The following TANC1 variants were observed in gnomAD, a reference collection of about 807,000 sequenced individuals.
TANC1 encodes tetratricopeptide repeat, ankyrin repeat and coiled-coil containing 1, also known as protein TANC1.
In TANC1, 77 loss-of-function variants were observed where a neutral mutation model predicts 149.7. That is an observed-to-expected ratio of 0.51 (90% CI 0.43 to 0.62). The LOEUF is 0.62. Among genes scored for constraint, TANC1 ranks in the 20% least tolerant of loss-of-function variants. The pLI is 0.00. For synonymous variants in TANC1, 854 were observed against 925.0 expected (o/e 0.92, Z 1.39); for missense variants, 1,985 against 2,321.8 (o/e 0.85, Z 2.98).
chr2:159,057,257 G>A (rs1443676672), intron 2 of TANC1, among the ~76,000 whole-genome samples: 3 of 152,152 alleles, frequency 2.0e-5, no homozygotes, highest in South Asian at 2.1e-4. Flanking sequence ...CTCATCTACA[G>A]GGCTATCCTG....
At chr2:159,149,482 T>C in intron 6 of TANC1, 1 of 612,594 alleles carries the variant, frequency 1.6e-6, no homozygotes, top group Non-Finnish European at 2.9e-6. Flanking sequence ...CGTAAGAAAA[T>C]GTCCACATTA....
At chr2:159,122,623 T>G (rs2048971381) in intron 4 of TANC1, among the ~76,000 whole-genome samples, 1 of 152,188 alleles carries the variant, frequency 6.6e-6, no homozygotes, top group East Asian at 1.9e-4. Flanking sequence ...ACCCCTGAAC[T>G]GTCCTCCAAA....
At chr2:159,088,067 G>A (rs949088109) in intron 3 of TANC1, among the ~76,000 whole-genome samples, 6 of 151,524 alleles carry the variant, frequency 4.0e-5, no homozygotes, top group Middle Eastern at 3.2e-3. Context: ...CTGATACCTT[G>A]ATGTTGGACT....
rs1180791164 is a variant in TANC1, at chr2:159,228,180, TG to T, written c.4050+218del. On this transcript the variant is annotated intron_variant, in intron 25 of 26. Coordinates refer to ENST00000263635, the MANE Select transcript of TANC1 (RefSeq NM_033394.3). ...TCGCATGATGTTGAAGGAATGCACTTGGGTTTCGTTTCCTTGGCCTCAGTAA... is the reference window on the plus strand; with the variant it reads ...TCGCATGATGTTGAAGGAATGCACTTGGTTTCGTTTCCTTGGCCTCAGTAA... 5.4e-6 allele frequency: 3 copies of T among 551,484 alleles called. No homozygotes were observed. In the African/African-American group the frequency reaches 5.7e-5, roughly 10 times the overall value. 34.2% of individuals were successfully genotyped at this position (551,484 alleles called of 1,614,324 possible).
chr2:159,105,379 A>G (rs189890327), intron 4 of TANC1, among the ~76,000 whole-genome samples: 5 of 152,314 alleles, frequency 3.3e-5, no homozygotes, highest in Admixed American at 1.3e-4. Context: ...GGTGAAATAC[A>G]TATAACAAAA....
intron 1 of TANC1, among the ~76,000 whole-genome samples, chr2:158,987,213 CAAAAAA>C (rs34300029): frequency 2.6e-5 from 2 of 76,026 alleles, no homozygotes; most frequent in African/African-American, 6.0e-5. Context: ...GACTCATCTC[CAAAAAA>C]AAAAAAAAAA....
chr2:159,132,931 G>A (rs1036879670), intron 4 of TANC1, among the ~76,000 whole-genome samples: 75 of 152,144 alleles, frequency 4.9e-4, no homozygotes, highest in African/African-American at 1.5e-3. Context: ...AGGCAGGCAC[G>A]TGGATGCTTT....
intron 2 of TANC1, among the ~76,000 whole-genome samples, chr2:159,024,645 G>A (rs554861527): frequency 1.3e-5 from 2 of 152,012 alleles, no homozygotes; most frequent in African/African-American, 2.4e-5. Context: ...CAGCTACTCA[G>A]GAGGCTGAGG....
At chr2:159,155,220 G>A (rs1478949539) in intron 7 of TANC1, among the ~76,000 whole-genome samples, 2 of 152,110 alleles carry the variant, frequency 1.3e-5, no homozygotes, top group Non-Finnish European at 2.9e-5. Flanking sequence ...CTGCATTTAG[G>A]AAGAAAGAGG....
chr2:159,150,188 A>G, intron 6 of TANC1, 182 bp from the exon 7 acceptor site: 2 of 496,608 alleles, frequency 4.0e-6, no homozygotes, highest in Non-Finnish European at 7.0e-6. Context: ...GGAAGACCAC[A>G]TATACATTTA....
At chr2:159,227,725 G>A in intron 24 of TANC1, 94 bp from the exon 25 acceptor site, 1 of 1,360,976 alleles carries the variant, frequency 7.3e-7, no homozygotes, top group Middle Eastern at 1.8e-4. Context: ...GGGTTTGCAG[G>A]GGGGAGTAAA....
chr2:159,185,891 A>G lies in TANC1; in HGVS notation c.2611A>G (p.Ile871Val), dbSNP rs762784633. The G allele has an allele frequency of 6.8e-6, 11 of 1,612,350 alleles. No homozygotes were observed. In the South Asian group the frequency reaches 7.7e-5, roughly 11 times the overall value. The change falls in exon 15 of 27, where the codon ATT becomes GTT. Residue 871 changes from isoleucine to valine, a missense_variant. Transcript: ENST00000263635. Reference sequence around the variant, plus strand: ...TGGCCACCACATCCTGAAGGCGCACATTTTCAAGGTGAGATGCACACCAAC... The same window carrying G: ...TGGCCACCACATCCTGAAGGCGCACGTTTTCAAGGTGAGATGCACACCAAC... Reference protein sequence around the residue: ...ELGHHILKAHIFKGLSKKTGI... With the variant: ...ELGHHILKAHVFKGLSKKTGI...
intron 1 of TANC1, among the ~76,000 whole-genome samples, chr2:158,968,993 G>A (rs1347725045): frequency 6.6e-6 from 1 of 152,208 alleles, no homozygotes; most frequent in East Asian, 1.9e-4. Context: ...GGGCGCCCCG[G>A]GCCTTGGTCT....
chr2:159,038,459 G>T (rs530353918), intron 2 of TANC1, among the ~76,000 whole-genome samples: 1 of 152,230 alleles, frequency 6.6e-6, no homozygotes, highest in Non-Finnish European at 1.5e-5. Context: ...TCCAGTTTTT[G>T]CCCATTCAGT....
chr2:159,079,396 C>T (rs1388225922), intron 3 of TANC1, among the ~76,000 whole-genome samples: 1 of 125,754 alleles, frequency 8.0e-6, no homozygotes. Flanking sequence ...AGACAGTGTG[C>T]TGCATGTTTA....
intron 2 of TANC1, among the ~76,000 whole-genome samples, chr2:159,025,213 C>CTTTA (rs1553519946): frequency 7.6e-6 from 1 of 132,234 alleles, no homozygotes; most frequent in Non-Finnish European, 1.7e-5. Context: ...TTCTTTCTTT[C>CTTTA]TTTCTTTCTT....
At chr2:159,005,574 TAAGACCTTGTCTCAAAAAA>T (rs2037082528) in intron 2 of TANC1, among the ~76,000 whole-genome samples, 1 of 152,082 alleles carries the variant, frequency 6.6e-6, no homozygotes, top group African/African-American at 2.4e-5. Flanking sequence ...GGTGAAAGAG[TAAGACCTTGTCTCAAAAAA>T]AAGTAAAATT....
chr2:159,162,645 T>A (rs1436331758), intron 7 of TANC1, among the ~76,000 whole-genome samples: 1 of 152,220 alleles, frequency 6.6e-6, no homozygotes, highest in Admixed American at 6.5e-5. Context: ...TCTGCAGTCA[T>A]AGTATACCTT....
intron 3 of TANC1, among the ~76,000 whole-genome samples, chr2:159,073,176 A>G (rs1020139237): frequency 6.6e-6 from 1 of 152,192 alleles, no homozygotes; most frequent in Non-Finnish European, 1.5e-5. Flanking sequence ...ATCCTTTGTG[A>G]ATGAAGGTCT....
Sources: gnomAD v4.1 joint callset for allele counts (sites outside exome capture counted in the v4.1 genomes callset) on GRCh38, gnomAD v4.1.1 for gene constraint, MANE v1.5 for transcripts, NCBI Gene and HGNC (gene_info 2026-07-23, HGNC 2026-07-21) for gene names.